Variants in AP1B1 observed in about 807,000 individuals in gnomAD.
AP1B1 encodes the protein AP-1 complex subunit beta-1.
Under a neutral mutation model 104.3 loss-of-function variants are expected in AP1B1, and 36 were observed. The ratio of observed to expected loss-of-function variants is 0.35; its 90% CI spans 0.26 to 0.46. The LOEUF (loss-of-function observed/expected upper bound fraction) is 0.46, where lower values mean the gene tolerates loss of function less well. AP1B1 is among the 20% of genes least tolerant of loss of function. The probability of loss-of-function intolerance (pLI) is 1.00; values close to 1 mark genes in which losing one functional copy is unlikely to be tolerated. For missense variants in AP1B1, 901 were observed against 1,247.9 expected (o/e 0.72, Z 4.19); for synonymous variants, 504 against 517.5 (o/e 0.97, Z 0.35).
rs766392381 is a variant in AP1B1, at chr22:29,331,912, C to G, written c.2314G>C (p.Gly772Arg). The G allele has an allele frequency of 6.2e-7, 1 of 1,608,926 alleles. No individual in the cohort carries two copies. The highest frequency in any genetic ancestry group is 2.2e-5 in the East Asian group (1 of 44,718). ...FAIQFNRNSFGLAPAAPLQVH... is the reference protein window; with the variant it reads ...FAIQFNRNSFRLAPAAPLQVH... ...TGGAGGGGGGCGGCGGGGGCCAGGC[C>G]AAAGCTGGGGAGAGAGAAGCCCCAC... Residue 772 changes from glycine (G) to arginine (R), a missense_variant, in exon 18 of 23, where the codon GGC becomes CGC. This residue lies in a region of AP1B1 where 424 missense variants were observed against 494.0 expected (regional missense o/e 0.86). Transcript: ENST00000357586.
chr22:29,338,847 T>G (rs2061673322), intron 16 of AP1B1, 143 bp downstream of exon 16: 5 of 1,227,754 alleles, frequency 4.1e-6, no homozygotes, highest in Admixed American at 2.2e-5. Context: ...TAGCTCCTCT[T>G]CCTCGGTGCC....
At chr22:29,375,045 C>T (rs910786243) in intron 1 of AP1B1, among the ~76,000 whole-genome samples, 8 of 152,108 alleles carry the variant, frequency 5.3e-5, no homozygotes, top group Admixed American at 1.3e-4. Flanking sequence ...TACTATACAA[C>T]CATGCAAAAG....
intron 5 of AP1B1, among the ~76,000 whole-genome samples, chr22:29,357,688 G>GAT (rs571347291): frequency 3.2e-5 from 4 of 126,124 alleles, no homozygotes. Flanking sequence ...TCAGGCAGCT[G>GAT]TTTTTTTTTT....
chr22:29,354,364 T>C (rs1471562907), intron 7 of AP1B1, among the ~76,000 whole-genome samples: 1 of 152,180 alleles, frequency 6.6e-6, no homozygotes, highest in Non-Finnish European at 1.5e-5. Context: ...GGACAGTTAC[T>C]GTGAGGGGCT....
chr22:29,380,718 C>T (rs796369525), intron 1 of AP1B1, among the ~76,000 whole-genome samples: 52 of 152,274 alleles, frequency 3.4e-4, no homozygotes, highest in African/African-American at 1.2e-3. Context: ...CATCACTAAC[C>T]CCAGCTCCAA....
chr22:29,361,996 G>A (rs2062054809), intron 3 of AP1B1, among the ~76,000 whole-genome samples: 2 of 152,094 alleles, frequency 1.3e-5, no homozygotes, highest in African/African-American at 2.4e-5. Context: ...GTTTCACCAT[G>A]TTGGCCAGGC....
chr22:29,332,035 G>A (rs2061569469), intron 17 of AP1B1, 119 bp from the exon 18 acceptor site: 2 of 1,066,192 alleles, frequency 1.9e-6, no homozygotes, highest in Non-Finnish European at 2.7e-6. Context: ...CACCGTGCCA[G>A]CCTTCCCATG....
At chr22:29,361,393 G>A (rs932249935) in intron 3 of AP1B1, among the ~76,000 whole-genome samples, 3 of 152,176 alleles carry the variant, frequency 2.0e-5, no homozygotes, top group Non-Finnish European at 4.4e-5. Context: ...GGCACCACGA[G>A]GGCATGGGTG....
At chr22:29,370,767 G>C (rs551489688) in intron 1 of AP1B1, 1 of 152,198 alleles carries the variant, frequency 6.6e-6, no homozygotes, top group Non-Finnish European at 1.5e-5. Flanking sequence ...CACAGCTGCA[G>C]GGTAGCTGGT....
At position 29,328,758 on chromosome 22, in the gene AP1B1, C is replaced by T. The variant is rs2061512702; in HGVS notation, c.*63G>A. The T allele has an allele frequency of 6.4e-6, 10 of 1,554,150 alleles. No homozygotes were observed. In the East Asian group the frequency reaches 2.3e-4, roughly 36 times the overall value. On this transcript the variant is annotated 3_prime_UTR_variant, in exon 23 of 23. Transcript: ENST00000357586. This position sits in a 1 kb window ranked among gnomAD's most constrained non-coding sequence, Gnocchi z 4.1. The stretch of plus-strand genomic sequence containing the variant: ...TCCCTCCTGCGAGGAGGAAGATGTG[C>T]TGCCCCCGAGGGGCCTCCTCGATGG...
chr22:29,375,767 G>T (rs916363196), intron 1 of AP1B1, among the ~76,000 whole-genome samples: 3 of 152,142 alleles, frequency 2.0e-5, no homozygotes, highest in Non-Finnish European at 4.4e-5. Context: ...AAAAGAATAT[G>T]ATTAATCAAT....
At chr22:29,361,732 T>C (rs543459036) in intron 3 of AP1B1, among the ~76,000 whole-genome samples, 1 of 151,716 alleles carries the variant, frequency 6.6e-6, no homozygotes, top group East Asian at 1.9e-4. Flanking sequence ...AGACAGCAAA[T>C]GCTTTGAGTT....
intron 11 of AP1B1, among the ~76,000 whole-genome samples, chr22:29,343,936 C>T (rs1011193919): frequency 6.6e-6 from 1 of 151,918 alleles, no homozygotes; most frequent in African/African-American, 2.4e-5. Context: ...CATGGTGAAA[C>T]CCTGTCTTTA....
intron 16 of AP1B1, among the ~76,000 whole-genome samples, chr22:29,338,429 T>G (rs755238808): frequency 6.6e-6 from 1 of 152,214 alleles, no homozygotes; most frequent in African/African-American, 2.4e-5. Context: ...GGCAACTTCA[T>G]GTCTTCTGGG....
rs2061540643 is a variant in AP1B1, at chr22:29,330,495, G to A, written c.2649C>T (p.Phe883=). The A allele has an allele frequency of 1.9e-6, 3 of 1,612,834 alleles. No individual in the cohort carries two copies. Among genetic ancestry groups the A allele is most frequent in the Non-Finnish European group, 2.5e-6 (3 of 1,179,070 alleles). The change falls in exon 21 of 23, where the codon TTC becomes TTT. Residue 883 remains phenylalanine (F), a synonymous_variant. Coordinates refer to ENST00000357586, the MANE Select transcript of AP1B1 (RefSeq NM_001127.4). The part of the protein sequence containing the change: ...ASSKLQSSNI[F]TVAKRNVEGQ... ...CCTCCACGTTCCTCTTGGCGACAGT[G>A]AAGATGTTGCTGCTCTGCAGCTTGC...
chr22:29,359,918 T>A lies in AP1B1; in HGVS notation c.185A>T (p.Asn62Ile). The A allele has an allele frequency of 6.2e-7, 1 of 1,614,062 alleles. No homozygotes were observed. The highest frequency in any genetic ancestry group is 8.5e-7 in the Non-Finnish European group (1 of 1,179,962). The change falls in exon 4 of 23, where the codon AAC becomes ATC. Residue 62 changes from asparagine to isoleucine, a missense_variant. By Grantham distance (149) the Asn-to-Ile change is moderately radical. This residue lies in a region of AP1B1 where 471 missense variants were observed against 696.7 expected (regional missense o/e 0.68). Transcript: ENST00000357586. ...GTATACTAGCTTCTTCAGCTCCAGG[T>A]TGTCCGTCTGCATGCAGTTGACCAC... is the stretch of plus-strand genomic sequence containing the variant. Reference protein sequence around the residue: ...PDVVNCMQTDNLELKKLVYLY... With the variant: ...PDVVNCMQTDILELKKLVYLY...
chr22:29,342,336 C>T lies in AP1B1; in HGVS notation c.1485G>A (p.Lys495=), dbSNP rs1477149859. ...LTAIVKLFLK[K]PTETQELVQQ... ...GCACCAGCTCCTGGGTCTCTGTTGG[C>T]TTCTTTAGAAAGAGTTTCACAATGG... is the stretch of plus-strand genomic sequence containing the variant. The change falls in exon 12 of 23, where the codon AAG becomes AAA. Residue 495 remains lysine (K), a synonymous_variant. Transcript: ENST00000357586. 1.9e-6 allele frequency: 3 copies of T among 1,614,062 alleles called. No homozygotes were observed. Among genetic ancestry groups the T allele is most frequent in the Non-Finnish European group, 2.5e-6 (3 of 1,180,040 alleles).
intron 7 of AP1B1, 62 bp from the exon 8 acceptor site, chr22:29,351,887 C>A (rs2061881162): frequency 6.3e-7 from 1 of 1,591,582 alleles, no homozygotes; most frequent in South Asian, 1.1e-5. Context: ...TGAGAAAATG[C>A]CCTCCACATT....
chr22:29,379,670 G>GTT (rs1487820885), intron 1 of AP1B1, among the ~76,000 whole-genome samples: 2 of 152,206 alleles, frequency 1.3e-5, no homozygotes, highest in Non-Finnish European at 2.9e-5. Context: ...GAGGAGGAGG[G>GTT]TTCTGAGATA....
Sources: allele counts gnomAD v4.1 joint callset (sites outside exome capture counted in the v4.1 genomes callset), GRCh38; gene constraint gnomAD v4.1.1; regional missense constraint gnomAD v4.1.1; non-coding constraint Gnocchi (gnomAD v3.1); transcripts MANE v1.5; gene names NCBI Gene and HGNC (gene_info 2026-07-23, HGNC 2026-07-21).